The following PRIM2 variants were observed in gnomAD, a reference collection of about 807,000 sequenced individuals.
PRIM2 encodes DNA primase subunit 2.
PRIM2 carries 39 observed loss-of-function variants against 67.3 expected under a neutral mutation model. The ratio of observed to expected loss-of-function variants is 0.58; its 90% CI spans 0.45 to 0.76. The LOEUF is 0.76. PRIM2 is among the 30% of genes least tolerant of loss of function. PRIM2 has a pLI of 0.00. For synonymous variants in PRIM2, 143 were observed against 198.7 expected (o/e 0.72, Z 2.36); for missense variants, 398 against 598.7 (o/e 0.66, Z 3.50).
At chr6:57,232,751 T>C in the PRIM2 span, among the ~76,000 whole-genome samples, 145,568 of 152,240 alleles carry the variant, frequency 0.96, 69,623 homozygotes, top group South Asian at 0.99. Flanking sequence ...TCCTTCTTGC[T>C]CTCTCCCTGT....
chr6:57,225,569 T>C, the PRIM2 span, among the ~76,000 whole-genome samples: 4 of 152,242 alleles, frequency 2.6e-5, no homozygotes, highest in Non-Finnish European at 5.9e-5. Flanking sequence ...GAAAACATTC[T>C]GAAAAGTTAG....
intron 10 of PRIM2, among the ~76,000 whole-genome samples, chr6:57,541,865 T>C (rs1400999254): frequency 6.6e-6 from 1 of 152,088 alleles, no homozygotes; most frequent in Admixed American, 6.6e-5. Flanking sequence ...CCAATTCAAA[T>C]GTTAATCATA....
chr6:57,268,086 A>G, the PRIM2 span, among the ~76,000 whole-genome samples: 1 of 152,178 alleles, frequency 6.6e-6, no homozygotes, highest in Non-Finnish European at 1.5e-5. Flanking sequence ...TGGATTTAGA[A>G]GAGCTCCAAG....
At chr6:57,431,398 A>G (rs1244702429) in intron 7 of PRIM2, among the ~76,000 whole-genome samples, 5 of 152,062 alleles carry the variant, frequency 3.3e-5, no homozygotes, top group African/African-American at 1.2e-4. Flanking sequence ...CACACCTGTA[A>G]TCCCAACACT....
intron 8 of PRIM2, among the ~76,000 whole-genome samples, chr6:57,519,415 A>G (rs1774562928): frequency 6.6e-6 from 1 of 152,236 alleles, no homozygotes; most frequent in Admixed American, 6.5e-5. Flanking sequence ...GGGGCCGTTC[A>G]TAGGCCTACC....
rs1425082955 is a variant in PRIM2 at position 57,592,530 on chromosome 6, C to T, written c.1021-8563C>T. Among the ~76,000 whole-genome samples the T allele has an allele frequency of 1.1e-4, 17 of 152,266 alleles. 1 individual carries two copies. Among genetic ancestry groups the T allele is most frequent in the African/African-American group, 4.1e-4 (17 of 41,564 alleles). On this transcript the variant is annotated intron_variant, in intron 10 of 13. Coordinates refer to ENST00000615550, the MANE Select transcript of PRIM2 (RefSeq NM_000947.5). ...GAGTAGTAGGCCAGGCGTGATGGCT[C>T]ACGCCTGTAATCTCAGCACTTTGGG...
chr6:57,318,776 TACTC>T (rs1395578624), intron 2 of PRIM2, 177 bp downstream of exon 2: 1 of 176,956 alleles, frequency 5.7e-6, no homozygotes, highest in Non-Finnish European at 1.1e-5. Context: ...GAGGGTTTGG[TACTC>T]ATTCATTTAT....
At chr6:57,267,968 G>A in the PRIM2 span, among the ~76,000 whole-genome samples, 1 of 151,952 alleles carries the variant, frequency 6.6e-6, no homozygotes, top group Non-Finnish European at 1.5e-5. Flanking sequence ...TTGAGCTATG[G>A]GCATTGAGCA....
At chr6:57,276,828 G>A in the PRIM2 span, among the ~76,000 whole-genome samples, 1 of 151,934 alleles carries the variant, frequency 6.6e-6, no homozygotes, top group Non-Finnish European at 1.5e-5. Flanking sequence ...GGTCGAGGCT[G>A]CCATGAACCA....
chr6:57,301,034 G>A, the PRIM2 span, among the ~76,000 whole-genome samples: 12 of 152,248 alleles, frequency 7.9e-5, no homozygotes, highest in Non-Finnish European at 1.2e-4. Flanking sequence ...AAGATCTGAC[G>A]GTCCTAAGAA....
intron 7 of PRIM2, among the ~76,000 whole-genome samples, chr6:57,472,431 T>G (rs1773360683): frequency 6.6e-6 from 1 of 151,598 alleles, no homozygotes; most frequent in Non-Finnish European, 1.5e-5. Flanking sequence ...ACTATGCAGT[T>G]TGTCAAAACG....
the PRIM2 span, among the ~76,000 whole-genome samples, chr6:57,269,093 A>T: frequency 1.3e-5 from 2 of 151,920 alleles, no homozygotes; most frequent in African/African-American, 2.4e-5. Flanking sequence ...GCAATAAACA[A>T]ATGTGTGCAT....
At chr6:57,329,678 C>A (rs1752041683) in intron 5 of PRIM2, among the ~76,000 whole-genome samples, 1 of 152,144 alleles carries the variant, frequency 6.6e-6, no homozygotes, top group South Asian at 2.1e-4. Flanking sequence ...GAGGTGCCAT[C>A]TGCCATGATT....
At chr6:57,321,848 A>G (rs752195112) in intron 3 of PRIM2, among the ~76,000 whole-genome samples, 3 of 152,212 alleles carry the variant, frequency 2.0e-5, no homozygotes, top group Non-Finnish European at 1.5e-5. Flanking sequence ...CAGACTGAAT[A>G]ACTTGCCCAA....
intron 11 of PRIM2, among the ~76,000 whole-genome samples, chr6:57,602,083 G>A (rs1776478975): frequency 7.0e-6 from 1 of 142,896 alleles, no homozygotes; most frequent in South Asian, 2.2e-4. Flanking sequence ...TTTTGAGACA[G>A]AGTTTCATTC....
intron 7 of PRIM2, among the ~76,000 whole-genome samples, chr6:57,441,370 A>G (rs959221092): frequency 3.9e-5 from 6 of 152,196 alleles, no homozygotes; most frequent in Non-Finnish European, 8.8e-5. Flanking sequence ...GAGCCAGTAC[A>G]TTAACATTTT....
At chr6:57,554,655 G>T (rs1166909734) in intron 10 of PRIM2, among the ~76,000 whole-genome samples, 2 of 152,152 alleles carry the variant, frequency 1.3e-5, no homozygotes, top group African/African-American at 4.8e-5. Flanking sequence ...CCCATCTCTT[G>T]CATAGGAAAG....
At chr6:57,527,670 A>G (rs1435307380) in intron 8 of PRIM2, among the ~76,000 whole-genome samples, 2 of 152,186 alleles carry the variant, frequency 1.3e-5, no homozygotes, top group Non-Finnish European at 2.9e-5. Flanking sequence ...CATGGGATAC[A>G]GTCTTCTCAC....
At chr6:57,608,606 C>G (rs1486100988) in intron 12 of PRIM2, among the ~76,000 whole-genome samples, 1 of 151,616 alleles carries the variant, frequency 6.6e-6, no homozygotes, top group Admixed American at 6.6e-5. Context: ...CAACTGTAGC[C>G]TCAGCTACTC....
Sources: gnomAD v4.1 joint callset for allele counts (sites outside exome capture counted in the v4.1 genomes callset) on GRCh38, gnomAD v4.1.1 for gene constraint, MANE v1.5 for transcripts, NCBI Gene and HGNC (gene_info 2026-07-23, HGNC 2026-07-21) for gene names.